MN1: variants seen among roughly 807,000 people sequenced by gnomAD.
The protein encoded by MN1 is transcriptional activator MN1.
Under a neutral mutation model 86.9 loss-of-function variants are expected in MN1, and 19 were observed. The ratio of observed to expected loss-of-function variants is 0.22; its 90% CI spans 0.15 to 0.32. The LOEUF (loss-of-function observed/expected upper bound fraction) is 0.32, where lower values mean the gene tolerates loss of function less well. MN1 is among the 10% of genes least tolerant of loss of function. The pLI, the probability that MN1 is intolerant of heterozygous loss-of-function variation, is 1.00. For missense variants in MN1, 1,841 were observed against 1,862.0 expected (o/e 0.99, Z 0.21); for synonymous variants, 928 against 849.6 (o/e 1.09, Z -1.60).
In MN1 at chr22:27,792,211, TC is replaced by T. The variant is rs1933219983; in HGVS notation, c.3781+4551del. 3.3e-5 allele frequency among the ~76,000 whole-genome samples: 5 copies of T among 151,596 alleles called. No individual in the cohort carries two copies. In the East Asian group the frequency reaches 9.7e-4, roughly 29 times the overall value. On this transcript the variant is annotated intron_variant, in intron 1 of 1. Coordinates refer to ENST00000302326, the MANE Select transcript of MN1 (RefSeq NM_002430.3). Reference sequence around the variant, plus strand: ...AACCTCAATAAACTAGAAGTACATTTCAATAGTTCCTTATTTCCGGTCTGAA... The same window carrying T: ...AACCTCAATAAACTAGAAGTACATTTAATAGTTCCTTATTTCCGGTCTGAA...
intron 1 of MN1, among the ~76,000 whole-genome samples, chr22:27,786,130 A>G (rs577369785): frequency 6.6e-6 from 1 of 152,316 alleles, no homozygotes; most frequent in East Asian, 1.9e-4. Flanking sequence ...AAAAACTGTT[A>G]TGGCCGAACC....
At chr22:27,773,649 T>C (rs1156262031) in intron 1 of MN1, among the ~76,000 whole-genome samples, 1 of 152,196 alleles carries the variant, frequency 6.6e-6, no homozygotes, top group Non-Finnish European at 1.5e-5. Context: ...AACATCATCT[T>C]GGTCCATTTA....
chr22:27,763,942 C>T (rs1415132656), intron 1 of MN1, among the ~76,000 whole-genome samples: 1 of 152,182 alleles, frequency 6.6e-6, no homozygotes, highest in Non-Finnish European at 1.5e-5. Context: ...GTTAAGCAAG[C>T]TTTGCAGGAA....
intron 1 of MN1, among the ~76,000 whole-genome samples, chr22:27,795,211 G>T (rs961304173): frequency 1.3e-5 from 2 of 152,130 alleles, no homozygotes; most frequent in African/African-American, 4.8e-5. Context: ...GTGCGTCCCG[G>T]GCGTCCTGGG....
At chr22:27,773,971 A>G (rs368265176) in intron 1 of MN1, among the ~76,000 whole-genome samples, 2 of 151,974 alleles carry the variant, frequency 1.3e-5, no homozygotes, top group South Asian at 4.2e-4. Flanking sequence ...TTTGATGTAC[A>G]TGAGTATCTC....
At chr22:27,793,876 T>C (rs188492944) in intron 1 of MN1, among the ~76,000 whole-genome samples, 4 of 152,362 alleles carry the variant, frequency 2.6e-5, no homozygotes, top group Admixed American at 6.5e-5. Context: ...TATTTTGTCA[T>C]TGGAGCGAAG....
At position 27,798,742 on chromosome 22, in the gene MN1, G is replaced by C; in HGVS notation, c.1802C>G (p.Pro601Arg). ...HGGPVGGLAQ[P>R]NFEREGGSTG... ...GCTGCCGCCTTCGCGCTCAAAGTTC[G>C]GCTGGGCCAAGCCGCCCACCGGGCC... Residue 601 changes from proline (P) to arginine (R), a missense_variant, in exon 1 of 2, where the codon CCG (proline) becomes CGG (arginine). Transcript: ENST00000302326. 1 of 1,535,378 alleles carries C rather than the reference G, an allele frequency of 6.5e-7. No individual in the cohort carries two copies. The highest frequency in any genetic ancestry group is 8.7e-7 in the Non-Finnish European group (1 of 1,146,508).
intron 1 of MN1, among the ~76,000 whole-genome samples, chr22:27,773,761 G>C (rs1489299404): frequency 6.6e-6 from 1 of 152,126 alleles, no homozygotes; most frequent in Non-Finnish European, 1.5e-5. Flanking sequence ...GGTTCAAGCA[G>C]TTCTCCTGCC....
At position 27,799,283 on chromosome 22, in the gene MN1, G is replaced by A. The variant is rs1251099459; in HGVS notation, c.1261C>T (p.Pro421Ser). 1.3e-6 allele frequency: 2 copies of A among 1,587,312 alleles called. No individual in the cohort carries two copies. The highest frequency in any genetic ancestry group is 1.7e-5 in the Admixed American group (1 of 57,616). The change falls in exon 1 of 2, where the codon CCT (proline) becomes TCT (serine). Residue 421 changes from proline (P) to serine (S), a missense_variant. By Grantham distance (74) the Pro-to-Ser change is moderately conservative. Coordinates refer to ENST00000302326, the MANE Select transcript of MN1 (RefSeq NM_002430.3). ...IHRLENRSMH[P>S]YSEPVFSMQH... is the part of the protein sequence containing the mutation. The stretch of plus-strand genomic sequence containing the variant: ...ATGCTGAAAACAGGCTCGGAATAAG[G>A]GTGCATGCTCCGGTTCTCCAGCCGG...
chr22:27,779,506 G>T (rs530063950), intron 1 of MN1, among the ~76,000 whole-genome samples: 1 of 152,212 alleles, frequency 6.6e-6, no homozygotes, highest in Non-Finnish European at 1.5e-5. Context: ...TCCAGCATCT[G>T]TTGGTAGGAA....
intron 1 of MN1, among the ~76,000 whole-genome samples, chr22:27,783,056 C>T (rs139769643): frequency 4.6e-5 from 7 of 152,076 alleles, no homozygotes; most frequent in South Asian, 4.2e-4. Context: ...CTCTCCTGCA[C>T]GATGTCCACC....
At chr22:27,762,633 T>C (rs1932842111) in intron 1 of MN1, among the ~76,000 whole-genome samples, 1 of 152,092 alleles carries the variant, frequency 6.6e-6, no homozygotes, top group African/African-American at 2.4e-5. Context: ...TTAGACCCTA[T>C]ACTGAGTGGC....
chr22:27,755,202 T>C (rs1424889202), intron 1 of MN1, among the ~76,000 whole-genome samples: 1 of 152,166 alleles, frequency 6.6e-6, no homozygotes, highest in African/African-American at 2.4e-5. Context: ...GCAGCTCCTG[T>C]CTGCAGAGCC....
intron 1 of MN1, among the ~76,000 whole-genome samples, chr22:27,761,617 C>A (rs1306982485): frequency 6.6e-6 from 1 of 152,180 alleles, no homozygotes; most frequent in Non-Finnish European, 1.5e-5. Flanking sequence ...GATGGGGGCA[C>A]CTGGGGGCAG....
In MN1 at chr22:27,799,962, G is replaced by A; in HGVS notation, c.582C>T (p.Asp194=). 2.5e-6 allele frequency: 4 copies of A among 1,603,700 alleles called. No individual in the cohort carries two copies. The highest frequency in any genetic ancestry group is 1.7e-5 in the Admixed American group (1 of 59,686). ...HAVPAPCLPL[D]QSPNRAASFH... Reference sequence around the variant, plus strand: ...AGGAGGCGGCTCGGTTAGGGCTCTGGTCCAGCGGCAGGCATGGGGCCGGCA... The same window carrying A: ...AGGAGGCGGCTCGGTTAGGGCTCTGATCCAGCGGCAGGCATGGGGCCGGCA... Residue 194 remains aspartate, a synonymous_variant, in exon 1 of 2, where the codon GAC becomes GAT. Coordinates refer to ENST00000302326, the MANE Select transcript of MN1 (RefSeq NM_002430.3).
intron 1 of MN1, among the ~76,000 whole-genome samples, chr22:27,765,258 T>C (rs1189671743): frequency 6.6e-6 from 1 of 152,190 alleles, no homozygotes; most frequent in Admixed American, 6.5e-5. Context: ...ATGCTCCTGA[T>C]CTATGAAGAT....
Position 27,799,747 on chromosome 22 carries a change from G to A in MN1, c.797C>T (p.Pro266Leu), listed in dbSNP as rs1231316049. Residue 266 changes from proline (P) to leucine (L), a missense_variant, in exon 1 of 2, where the codon CCT (proline) becomes CTT (leucine). By Grantham distance (98) the Pro-to-Leu change is moderately conservative. Transcript: ENST00000302326. ...LPHYAAGRQV[P>L]GGAFPGASAM... ...CGAGGCGCCCGGGAAAGCGCCCCCAGGAACCTGGCGACCCGCTGCATAATG... is the reference window on the plus strand; with the variant it reads ...CGAGGCGCCCGGGAAAGCGCCCCCAAGAACCTGGCGACCCGCTGCATAATG... The A allele has an allele frequency of 4.4e-6, 7 of 1,588,204 alleles. No homozygotes were observed. The highest frequency in any genetic ancestry group is 6.0e-6 in the Non-Finnish European group (7 of 1,167,558).
At chr22:27,786,836 C>T (rs1470144530) in intron 1 of MN1, among the ~76,000 whole-genome samples, 1 of 140,192 alleles carries the variant, frequency 7.1e-6, no homozygotes, top group Non-Finnish European at 1.5e-5. Context: ...CCATTAATGC[C>T]CGTGCGCACA....
intron 1 of MN1, among the ~76,000 whole-genome samples, chr22:27,769,570 T>TTTTTTTTTTTTTGG (rs1568974122): frequency 7.0e-6 from 1 of 143,354 alleles, no homozygotes. Flanking sequence ...TTTTTTTTTT[T>TTTTTTTTTTTTTGG]GAGACAGAGT....
Sources: gnomAD v4.1 joint callset for allele counts (sites outside exome capture counted in the v4.1 genomes callset) on GRCh38, gnomAD v4.1.1 for gene constraint, MANE v1.5 for transcripts, NCBI Gene and HGNC (gene_info 2026-07-23, HGNC 2026-07-21) for gene names.